The following ITGA2 variants were observed in gnomAD, a reference collection of about 807,000 sequenced individuals.
ITGA2 encodes integrin subunit alpha 2.
In ITGA2, 101 loss-of-function variants were observed where a neutral mutation model predicts 146.3. The observed-to-expected ratio is 0.69, with a 90% CI of 0.59 to 0.81. The LOEUF (loss-of-function observed/expected upper bound fraction) is 0.81, where lower values mean the gene tolerates loss of function less well. Among genes scored for constraint, ITGA2 ranks in the 40% least tolerant of loss-of-function variants. The pLI is 0.00. For synonymous variants in ITGA2, 477 were observed against 487.1 expected (o/e 0.98, Z 0.27); for missense variants, 1,281 against 1,402.7 (o/e 0.91, Z 1.39).
Position 53,094,290 on chromosome 5 carries a change from G to C in ITGA2, c.*3691G>C, listed in dbSNP as rs780102404. ...GGTGAATGAGAAACATGGGGGAAAA[G>C]TATGAAATAGGTGAAAATCTTAACT... On this transcript the variant is annotated 3_prime_UTR_variant, in exon 30 of 30. Transcript: ENST00000296585. The C allele has an allele frequency of 6.6e-6, 1 of 152,116 alleles. No individual in the cohort carries two copies. Among genetic ancestry groups the C allele is most frequent in the Non-Finnish European group, 1.5e-5 (1 of 68,000 alleles). 9.4% of individuals were successfully genotyped at this position (152,116 alleles called of 1,614,324 possible). A position where few individuals can be genotyped will look rare whatever the true frequency, so the allele number is the denominator to read the frequency against.
At chr5:53,055,720 GC>G (rs1744598344) in intron 8 of ITGA2, 32 bp downstream of exon 8, 1 of 1,609,730 alleles carries the variant, frequency 6.2e-7, no homozygotes, top group East Asian at 2.2e-5. Flanking sequence ...TTGTCTTGCC[GC>G]TATTGGGTAA....
chr5:53,051,334 A>G, intron 6 of ITGA2, 77 bp from the exon 7 acceptor site: 4 of 1,494,868 alleles, frequency 2.7e-6, no homozygotes, highest in Non-Finnish European at 3.7e-6. Flanking sequence ...TGTACTTTTG[A>G]TTTTTATTTT....
At chr5:53,043,329 C>T (rs1012387430) in intron 3 of ITGA2, among the ~76,000 whole-genome samples, 4 of 152,086 alleles carry the variant, frequency 2.6e-5, no homozygotes, top group Non-Finnish European at 1.5e-5. Context: ...TCTGAACACT[C>T]ATTCTTAATG....
chr5:53,032,596 A>G (rs1743277140), intron 2 of ITGA2, among the ~76,000 whole-genome samples: 1 of 152,120 alleles, frequency 6.6e-6, no homozygotes, highest in Non-Finnish European at 1.5e-5. Flanking sequence ...AGTATCCAAG[A>G]AGGAGAGTGA....
At chr5:53,047,867 T>C (rs1579849534) in intron 4 of ITGA2, among the ~76,000 whole-genome samples, 1 of 152,356 alleles carries the variant, frequency 6.6e-6, no homozygotes, top group East Asian at 1.9e-4. Flanking sequence ...TAGCTAACAA[T>C]ATTATATGGC....
At chr5:53,030,630 CAA>C (rs146202887) in intron 2 of ITGA2, among the ~76,000 whole-genome samples, 1,908 of 152,240 alleles carry the variant, frequency 0.013, 37 homozygotes, top group African/African-American at 0.042. Flanking sequence ...AGCAAAGAAA[CAA>C]GAGAGGCAAA....
intron 4 of ITGA2, among the ~76,000 whole-genome samples, chr5:53,046,627 A>C (rs980041129): frequency 3.9e-5 from 6 of 151,924 alleles, no homozygotes; most frequent in Non-Finnish European, 5.9e-5. Flanking sequence ...AAAAAATGAA[A>C]GGTAAAAAGC....
intron 28 of ITGA2, among the ~76,000 whole-genome samples, chr5:53,088,411 C>T (rs1450153331): frequency 2.0e-5 from 3 of 152,170 alleles, no homozygotes; most frequent in African/African-American, 7.2e-5. Flanking sequence ...AAAGGCTGGG[C>T]ACAGTGGCTC....
intron 1 of ITGA2, among the ~76,000 whole-genome samples, chr5:52,996,148 A>C (rs1260919721): frequency 1.3e-5 from 2 of 152,230 alleles, no homozygotes; most frequent in African/African-American, 4.8e-5. Context: ...GAGAGTAGCA[A>C]GAGAGGTAAA....
intron 2 of ITGA2, among the ~76,000 whole-genome samples, chr5:53,041,225 C>G (rs1389664596): frequency 1.3e-5 from 2 of 152,064 alleles, no homozygotes; most frequent in African/African-American, 4.8e-5. Flanking sequence ...TCTTTCTGTG[C>G]AATCTTCTGT....
intron 21 of ITGA2, 103 bp from the exon 22 acceptor site, chr5:53,074,958 A>T (rs1205679084): frequency 2.6e-6 from 2 of 777,512 alleles, no homozygotes; most frequent in African/African-American, 3.4e-5. Flanking sequence ...AAAATTCAGA[A>T]TCAAATTTGA....
At chr5:53,079,921 C>A (rs1024689070) in intron 24 of ITGA2, among the ~76,000 whole-genome samples, 1 of 152,032 alleles carries the variant, frequency 6.6e-6, no homozygotes, top group Non-Finnish European at 1.5e-5. Context: ...TGAGCCCTGG[C>A]CAATTAGAAC....
rs1266223473 is a variant in ITGA2, at chr5:53,094,121, A to G, written c.*3522A>G. 1 of 152,516 alleles carries G rather than the reference A, an allele frequency of 6.6e-6. No homozygotes were observed. Among genetic ancestry groups the G allele is most frequent in the Non-Finnish European group, 1.5e-5 (1 of 68,020 alleles). 9.4% of individuals were successfully genotyped at this position (152,516 alleles called of 1,614,324 possible). On this transcript the variant is annotated 3_prime_UTR_variant, in exon 30 of 30. Transcript: ENST00000296585. ...TGAAAATCTCAAAAATTAAGACATC[A>G]TCATACAGAAGGCAGGATTCCTTAA...
intron 1 of ITGA2, among the ~76,000 whole-genome samples, chr5:53,009,448 A>T (rs1041395593): frequency 5.3e-5 from 8 of 152,186 alleles, no homozygotes; most frequent in Non-Finnish European, 1.0e-4. Flanking sequence ...CAGCGGCAGA[A>T]TATTTGACCT....
At chr5:53,059,429 G>A (rs1343492772) in intron 10 of ITGA2, among the ~76,000 whole-genome samples, 3 of 151,950 alleles carry the variant, frequency 2.0e-5, no homozygotes, top group Non-Finnish European at 2.9e-5. Flanking sequence ...GATAGCAGAA[G>A]TATCTCCGTC....
intron 2 of ITGA2, among the ~76,000 whole-genome samples, chr5:53,039,924 C>T (rs923648114): frequency 6.6e-6 from 1 of 151,816 alleles, no homozygotes; most frequent in African/African-American, 2.4e-5. Flanking sequence ...ATTCCTAGCC[C>T]TCATGTACCT....
chr5:53,080,860 C>T (rs1745886500), intron 25 of ITGA2, among the ~76,000 whole-genome samples: 1 of 152,080 alleles, frequency 6.6e-6, no homozygotes, highest in Non-Finnish European at 1.5e-5. Flanking sequence ...CCATTTTGGC[C>T]TGGTGAAGAT....
At chr5:53,027,083 G>T (rs532742631) in intron 2 of ITGA2, among the ~76,000 whole-genome samples, 8 of 152,204 alleles carry the variant, frequency 5.3e-5, no homozygotes, top group South Asian at 2.1e-4. Flanking sequence ...TGGATAGAAA[G>T]TTTTCTCTAA....
rs1242278066 is a variant in ITGA2 at position 53,094,084 on chromosome 5, T to C, written c.*3485T>C. ...ATTTACCTGTCCTGATATATAGCTATAACCCAATATATGAAAATCTCAAAA... is the reference window on the plus strand; with the variant it reads ...ATTTACCTGTCCTGATATATAGCTACAACCCAATATATGAAAATCTCAAAA... On this transcript the variant is annotated 3_prime_UTR_variant, in exon 30 of 30. Coordinates refer to ENST00000296585, the MANE Select transcript of ITGA2 (RefSeq NM_002203.4). 6.6e-6 allele frequency: 1 copy of C among 152,624 alleles called. No homozygotes were observed. Among genetic ancestry groups the C allele is most frequent in the Non-Finnish European group, 1.5e-5 (1 of 68,028 alleles). The allele number at this position is 152,624 out of a possible 1,614,324, so 9.5% of individuals were successfully genotyped here.
Sources: gnomAD v4.1 joint callset for allele counts (sites outside exome capture counted in the v4.1 genomes callset) on GRCh38, gnomAD v4.1.1 for gene constraint, MANE v1.5 for transcripts, NCBI Gene and HGNC (gene_info 2026-07-23, HGNC 2026-07-21) for gene names.